The following LRIG2 variants were observed in gnomAD, a reference collection of about 807,000 sequenced individuals.
LRIG2 encodes the protein leucine-rich repeats and immunoglobulin-like domains protein 2.
Under a neutral mutation model 107.8 loss-of-function variants are expected in LRIG2, and 93 were observed. That is an observed-to-expected ratio of 0.86 (90% confidence interval 0.73 to 1.03). The LOEUF is 1.03. Ranked by LOEUF, LRIG2 falls within the 50% of genes least tolerant of loss-of-function variation. The pLI is 0.00. For synonymous variants in LRIG2, 471 were observed against 470.6 expected, an observed-to-expected ratio of 1.00 and a Z score of -0.01; for missense variants, 1,226 against 1,296.0, an observed-to-expected ratio of 0.95 and a Z score of 0.83.
chr1:113,084,280 A>G (rs1653441302), intron 1 of LRIG2, among the ~76,000 whole-genome samples: 1 of 149,036 alleles, frequency 6.7e-6, no homozygotes, highest in African/African-American at 2.5e-5. Flanking sequence ...CAGTGGCGCA[A>G]TCTCGGCTCA....
At chr1:113,087,640 C>T (rs879737053) in intron 1 of LRIG2, among the ~76,000 whole-genome samples, 7 of 152,140 alleles carry the variant, frequency 4.6e-5, no homozygotes, top group Non-Finnish European at 5.9e-5. Flanking sequence ...TGAGCCACTG[C>T]GCCTGGCCCC....
rs373375051 is a variant in LRIG2 at position 113,115,371 on chromosome 1, C to T, written c.2530+495C>T. 2.9e-4 allele frequency among the ~76,000 whole-genome samples: 44 copies of T among 152,052 alleles called. No homozygotes were observed. In the East Asian group the frequency reaches 7.0e-3, roughly 24 times the overall value. On this transcript the variant is annotated intron_variant, in intron 15 of 17. Transcript: ENST00000361127. ...CGGGGACTATAGGCATGTGCCACCGCGCCTAAGTTTTTATATTTTTAGTAG... is the reference window on the plus strand; with the variant it reads ...CGGGGACTATAGGCATGTGCCACCGTGCCTAAGTTTTTATATTTTTAGTAG...
rs747275982 is a variant in LRIG2 at position 113,095,890 on chromosome 1, A to C, written c.820A>C (p.Asn274His). ...NMEELELEHNNLTRVNKGWLY... is the reference protein window; with the variant it reads ...NMEELELEHNHLTRVNKGWLY... ...ATTCTGCAGAGAACTGGAACACAAC[A>C]ACCTTACACGAGTAAACAAGGGGTG... is the stretch of plus-strand genomic sequence containing the variant. Residue 274 changes from asparagine to histidine, a missense_variant, in exon 7 of 18, where the codon AAC becomes CAC. Asn to His is a moderately conservative substitution (Grantham distance 68). Transcript: ENST00000361127. 2 of 1,614,216 alleles carry C rather than the reference A, an allele frequency of 1.2e-6. No homozygotes were observed. The highest frequency in any genetic ancestry group is 1.7e-6 in the Non-Finnish European group (2 of 1,180,036).
intron 4 of LRIG2, among the ~76,000 whole-genome samples, chr1:113,093,914 G>A (rs1371805176): frequency 6.6e-6 from 1 of 152,146 alleles, no homozygotes; most frequent in Non-Finnish European, 1.5e-5. Flanking sequence ...TGGGTGGTTG[G>A]CTTTGCCACT....
intron 1 of LRIG2, among the ~76,000 whole-genome samples, chr1:113,082,983 A>G (rs1439849569): frequency 6.6e-6 from 1 of 151,654 alleles, no homozygotes; most frequent in Admixed American, 6.6e-5. Flanking sequence ...ATCATGGCTC[A>G]GTGCAGCCTC....
At chr1:113,073,915 G>C (rs912151915) in intron 1 of LRIG2, among the ~76,000 whole-genome samples, 3 of 148,366 alleles carry the variant, frequency 2.0e-5, no homozygotes, top group Non-Finnish European at 4.4e-5. Context: ...AGGAAATGGG[G>C]CGGGCATATT....
At chr1:113,109,821 A>G (rs1654695720) in intron 12 of LRIG2, among the ~76,000 whole-genome samples, 1 of 152,188 alleles carries the variant, frequency 6.6e-6, no homozygotes, top group African/African-American at 2.4e-5. Context: ...GCCTGGCCAT[A>G]TACATGTTTA....
At chr1:113,096,463 A>G (rs1654074310) in intron 8 of LRIG2, 98 bp downstream of exon 8, 1 of 1,288,496 alleles carries the variant, frequency 7.8e-7, no homozygotes, top group Non-Finnish European at 1.1e-6. Flanking sequence ...CAAATTCTGT[A>G]TGCTAACATT....
intron 13 of LRIG2, among the ~76,000 whole-genome samples, chr1:113,112,075 C>G (rs2101056999): frequency 7.4e-6 from 1 of 134,348 alleles, no homozygotes. Context: ...CTAGAAGACA[C>G]AGTCATCAGT....
chr1:113,085,732 G>A (rs1653518855), intron 1 of LRIG2, among the ~76,000 whole-genome samples: 1 of 152,152 alleles, frequency 6.6e-6, no homozygotes. Flanking sequence ...AACAGGAGGT[G>A]GGGTCTCCTA....
Position 113,096,377 on chromosome 1 carries a change from C to G in LRIG2, c.1091+12C>G, listed in dbSNP as rs201466448. 8.1e-6 allele frequency: 13 copies of G among 1,604,748 alleles called. No homozygotes were observed. Among genetic ancestry groups the G allele is most frequent in the African/African-American group, 1.3e-5 (1 of 74,454 alleles). Reference sequence around the variant, plus strand: ...AATCTTCAGACATTGTAAGTATATCCATTCTCCTTTTTGGTTGTTGTTACT... The same window carrying G: ...AATCTTCAGACATTGTAAGTATATCGATTCTCCTTTTTGGTTGTTGTTACT... On this transcript the variant is annotated intron_variant, in intron 8 of 17. Transcript: ENST00000361127.
At chr1:113,104,869 C>T (rs1654465731) in intron 11 of LRIG2, among the ~76,000 whole-genome samples, 2 of 152,106 alleles carry the variant, frequency 1.3e-5, no homozygotes, top group Admixed American at 1.3e-4. Context: ...CTACCTCAAC[C>T]GGGCACGATG....
At chr1:113,079,072 C>T (rs1452668440) in intron 1 of LRIG2, among the ~76,000 whole-genome samples, 3 of 152,178 alleles carry the variant, frequency 2.0e-5, no homozygotes, top group Admixed American at 2.0e-4. Context: ...TGACCTGGTG[C>T]GGTGGCTCAC....
Position 113,073,657 on chromosome 1 carries a change from G to C in LRIG2, c.239+12G>C, listed in dbSNP as rs199906630. On this transcript the variant is annotated intron_variant, in intron 1 of 17. Transcript: ENST00000361127. Reference sequence around the variant, plus strand: ...GACACCGCTATCCTGTGAGTAGAGCGGCCAGGCAGAGTGACCAAAAGGAGG... The same window carrying C: ...GACACCGCTATCCTGTGAGTAGAGCCGCCAGGCAGAGTGACCAAAAGGAGG... 2.2e-5 allele frequency: 35 copies of C among 1,603,374 alleles called. No homozygotes were observed. In the African/African-American group the frequency reaches 4.3e-4, roughly 20 times the overall value.
intron 11 of LRIG2, among the ~76,000 whole-genome samples, chr1:113,107,236 G>C (rs1424365866): frequency 2.6e-5 from 4 of 151,884 alleles, no homozygotes; most frequent in Admixed American, 2.6e-4. Flanking sequence ...AATTAACATC[G>C]ATAAGGTAAT....
intron 5 of LRIG2, 55 bp from the exon 6 acceptor site, chr1:113,094,557 T>G: frequency 6.3e-7 from 1 of 1,589,212 alleles, no homozygotes; most frequent in South Asian, 1.1e-5. Flanking sequence ...ATTTAATTAC[T>G]GTTAGAACAT....
intron 1 of LRIG2, among the ~76,000 whole-genome samples, chr1:113,090,146 A>G (rs915833378): frequency 6.6e-6 from 1 of 152,106 alleles, no homozygotes; most frequent in Admixed American, 6.5e-5. Context: ...GAATAAAGAA[A>G]CTCTTTAAAT....
chr1:113,129,403 A>G lies in LRIG2; in HGVS notation c.*5302A>G, dbSNP rs931098310. The G allele has an allele frequency of 6.6e-6, 1 of 151,358 alleles. No homozygotes were observed. The highest frequency in any genetic ancestry group is 2.4e-5 in the African/African-American group (1 of 41,156). The allele number at this position is 151,358 out of a possible 1,614,324, so 9.4% of individuals were successfully genotyped here. On this transcript the variant is annotated 3_prime_UTR_variant, in exon 18 of 18. Transcript: ENST00000361127. ...CAGTGCTGTCAGAGTCTGGTCTCCT[A>G]AAGAGCCAGGTCATTTTCCATTGTG... is the stretch of plus-strand genomic sequence containing the variant.
At chr1:113,095,478 G>A (rs1281631095) in intron 6 of LRIG2, among the ~76,000 whole-genome samples, 3 of 151,364 alleles carry the variant, frequency 2.0e-5, no homozygotes, top group Non-Finnish European at 2.9e-5. Flanking sequence ...GCACAGTCTC[G>A]GCTCACTGCA....
Sources: allele counts gnomAD v4.1 joint callset (sites outside exome capture counted in the v4.1 genomes callset), GRCh38; gene constraint gnomAD v4.1.1; transcripts MANE v1.5; gene names NCBI Gene and HGNC (gene_info 2026-07-23, HGNC 2026-07-21).